The following TCF7L1 variants were observed in gnomAD, a reference collection of about 807,000 sequenced individuals.
TCF7L1 encodes the protein transcription factor 7 like 1.
Under a neutral mutation model 63.7 loss-of-function variants are expected in TCF7L1, and 18 were observed. The observed-to-expected ratio is 0.28, with a 90% CI of 0.20 to 0.42. The LOEUF is 0.42. Among genes scored for constraint, TCF7L1 ranks in the 10% least tolerant of loss-of-function variants. The pLI is 1.00. For missense variants in TCF7L1, 654 were observed against 779.3 expected (o/e 0.84, Z 1.91); for synonymous variants, 355 against 340.9 (o/e 1.04, Z -0.46).
At chr2:85,221,923 T>C (rs1490863210) in intron 3 of TCF7L1, among the ~76,000 whole-genome samples, 3 of 135,820 alleles carry the variant, frequency 2.2e-5, no homozygotes, top group Non-Finnish European at 4.5e-5. Flanking sequence ...ATTAGCAAAA[T>C]CCAGACTTAA....
chr2:85,308,956 G>T (rs921561760), intron 11 of TCF7L1, 73 bp from the exon 12 acceptor site: 1 of 1,489,820 alleles, frequency 6.7e-7, no homozygotes, highest in African/African-American at 1.4e-5. Flanking sequence ...CACATGTATC[G>T]CCAGGGCTGT....
chr2:85,259,503 T>C (rs956841923), intron 3 of TCF7L1, among the ~76,000 whole-genome samples: 7 of 152,200 alleles, frequency 4.6e-5, no homozygotes, highest in Non-Finnish European at 1.5e-5. Flanking sequence ...TGTGAAAGAA[T>C]CTGAGTTTGT....
At chr2:85,278,064 A>C (rs535774228) in intron 3 of TCF7L1, among the ~76,000 whole-genome samples, 16 of 152,302 alleles carry the variant, frequency 1.1e-4, no homozygotes, top group South Asian at 2.1e-4. Context: ...GTGTTGGGGA[A>C]ATTCCAGGGC....
chr2:85,278,694 A>G (rs1019493895), intron 3 of TCF7L1, among the ~76,000 whole-genome samples: 4 of 152,248 alleles, frequency 2.6e-5, no homozygotes, highest in African/African-American at 9.6e-5. Context: ...GCCTCAGTCT[A>G]CTTAACTGTG....
At chr2:85,207,562 C>G (rs556434668) in intron 3 of TCF7L1, among the ~76,000 whole-genome samples, 89 of 151,814 alleles carry the variant, frequency 5.9e-4, no homozygotes, top group Non-Finnish European at 1.1e-3. Flanking sequence ...TGGTGCCTCA[C>G]TCATCATTAG....
intron 3 of TCF7L1, among the ~76,000 whole-genome samples, chr2:85,155,478 C>T (rs868703490): frequency 3.3e-5 from 5 of 152,120 alleles, no homozygotes; most frequent in African/African-American, 4.8e-5. Context: ...TTGAAGTCAG[C>T]GAGACCATGA....
intron 4 of TCF7L1, among the ~76,000 whole-genome samples, chr2:85,286,552 A>C (rs977249208): frequency 1.3e-5 from 2 of 151,458 alleles, no homozygotes; most frequent in Non-Finnish European, 2.9e-5. Context: ...CTGGAGTGCA[A>C]TGGCGCGATC....
intron 3 of TCF7L1, among the ~76,000 whole-genome samples, chr2:85,190,721 C>A (rs1363969279): frequency 6.6e-6 from 1 of 152,208 alleles, no homozygotes; most frequent in Non-Finnish European, 1.5e-5. Context: ...GTAGAATCTT[C>A]TATTTATTGG....
chr2:85,187,197 A>T (rs115742951), intron 3 of TCF7L1: 1 of 152,130 alleles, frequency 6.6e-6, no homozygotes, highest in African/African-American at 2.4e-5. Flanking sequence ...TCCTCCTCTC[A>T]GCTGTCAGCT....
chr2:85,161,512 C>G (rs887225218), intron 3 of TCF7L1, among the ~76,000 whole-genome samples: 2 of 152,164 alleles, frequency 1.3e-5, no homozygotes, highest in African/African-American at 4.8e-5. Flanking sequence ...GCTTGCTTCC[C>G]CTGCCTCCTG....
intron 3 of TCF7L1, among the ~76,000 whole-genome samples, chr2:85,145,493 A>G (rs1209054828): frequency 6.6e-6 from 1 of 152,036 alleles, no homozygotes; most frequent in African/African-American, 2.4e-5. Flanking sequence ...TTGGGACTAC[A>G]CTCCCCTCTG....
At chr2:85,189,375 C>A (rs939628025) in intron 3 of TCF7L1, among the ~76,000 whole-genome samples, 27 of 152,378 alleles carry the variant, frequency 1.8e-4, no homozygotes, top group African/African-American at 5.5e-4. Context: ...GTCAGGAATG[C>A]TGCTTACAGA....
chr2:85,255,608 G>A (rs1268587649), intron 3 of TCF7L1, among the ~76,000 whole-genome samples: 2 of 152,198 alleles, frequency 1.3e-5, no homozygotes, highest in Non-Finnish European at 2.9e-5. Flanking sequence ...CCTAAACAGG[G>A]TGGGCTGGGT....
chr2:85,137,439 G>A (rs1677620148), intron 3 of TCF7L1, among the ~76,000 whole-genome samples: 1 of 152,214 alleles, frequency 6.6e-6, no homozygotes, highest in Non-Finnish European at 1.5e-5. Context: ...TCTGTGAGCT[G>A]CAATTGCTTC....
At chr2:85,235,842 G>A (rs994851257) in intron 3 of TCF7L1, among the ~76,000 whole-genome samples, 18 of 151,974 alleles carry the variant, frequency 1.2e-4, no homozygotes, top group African/African-American at 4.4e-4. Flanking sequence ...GGTAACATAG[G>A]GAAAGTCTGT....
At chr2:85,166,181 A>G (rs1426207631) in intron 3 of TCF7L1, among the ~76,000 whole-genome samples, 1 of 152,080 alleles carries the variant, frequency 6.6e-6, no homozygotes, top group Non-Finnish European at 1.5e-5. Flanking sequence ...GGAGGTAGAG[A>G]TTTGACTGTA....
chr2:85,267,898 G>A (rs1681020461), intron 3 of TCF7L1, among the ~76,000 whole-genome samples: 1 of 152,112 alleles, frequency 6.6e-6, no homozygotes, highest in Non-Finnish European at 1.5e-5. Context: ...CCCTGGCTTT[G>A]GCACATACTT....
At chr2:85,241,046 T>C (rs1472901218) in intron 3 of TCF7L1, among the ~76,000 whole-genome samples, 1 of 152,206 alleles carries the variant, frequency 6.6e-6, no homozygotes, top group Non-Finnish European at 1.5e-5. Flanking sequence ...AGGGTTTAAA[T>C]TCATTATGCT....
chr2:85,260,890 G>A (rs1350026476), intron 3 of TCF7L1, among the ~76,000 whole-genome samples: 1 of 152,082 alleles, frequency 6.6e-6, no homozygotes, highest in Non-Finnish European at 1.5e-5. Context: ...CTCCACTCTG[G>A]GATGTAAAAG....
Sources: gnomAD v4.1 joint callset for allele counts (sites outside exome capture counted in the v4.1 genomes callset) on GRCh38, gnomAD v4.1.1 for gene constraint, MANE v1.5 for transcripts, NCBI Gene and HGNC (gene_info 2026-07-23, HGNC 2026-07-21) for gene names.